The following PCDH9 variants were observed in gnomAD, a reference collection of about 807,000 sequenced individuals.
PCDH9 encodes protocadherin 9.
PCDH9 carries 24 observed loss-of-function variants against 70.6 expected under a neutral mutation model. That is an observed-to-expected ratio of 0.34 (90% confidence interval 0.25 to 0.48). The LOEUF (loss-of-function observed/expected upper bound fraction) is 0.48, where lower values mean the gene tolerates loss of function less well. PCDH9 is among the 20% of genes least tolerant of loss of function. The probability of loss-of-function intolerance (pLI) is 0.99; values close to 1 mark genes in which losing one functional copy is unlikely to be tolerated. For missense variants in PCDH9, 1,281 were observed against 1,503.6 expected, an observed-to-expected ratio of 0.85 and a Z score of 2.45; for synonymous variants, 562 against 558.5, an observed-to-expected ratio of 1.01 and a Z score of -0.09.
chr13:66,846,136 C>CAATA (rs56788566), intron 3 of PCDH9, among the ~76,000 whole-genome samples: 1 of 134,524 alleles, frequency 7.4e-6, no homozygotes, highest in Non-Finnish European at 1.5e-5. Flanking sequence ...AAAAAAAGAC[C>CAATA]AAAAAAAAAA....
At chr13:66,375,680 A>G (rs1956734821) in intron 4 of PCDH9, among the ~76,000 whole-genome samples, 1 of 152,156 alleles carries the variant, frequency 6.6e-6, no homozygotes, top group South Asian at 2.1e-4. Context: ...CATATAACAA[A>G]TTGATGATAT....
intron 4 of PCDH9, among the ~76,000 whole-genome samples, chr13:66,590,273 A>G (rs1478773233): frequency 6.6e-6 from 1 of 152,004 alleles, no homozygotes; most frequent in Non-Finnish European, 1.5e-5. Context: ...TGTATTCCAG[A>G]GTGACAATTT....
intron 4 of PCDH9, among the ~76,000 whole-genome samples, chr13:66,614,531 A>ATCTGGAATTCTG: frequency 6.6e-6 from 1 of 152,330 alleles, no homozygotes. Flanking sequence ...CTGTTTCATA[A>ATCTGGAATTCTG]TATCAAGTGT....
chr13:67,094,373 A>G (rs2086279208), intron 2 of PCDH9, among the ~76,000 whole-genome samples: 2 of 152,170 alleles, frequency 1.3e-5, no homozygotes, highest in African/African-American at 2.4e-5. Flanking sequence ...GCTTAACACT[A>G]TGTAGGTAGC....
intron 3 of PCDH9, among the ~76,000 whole-genome samples, chr13:66,667,134 C>A (rs1048096554): frequency 2.6e-5 from 4 of 152,040 alleles, no homozygotes; most frequent in African/African-American, 9.7e-5. Flanking sequence ...GAAAAAAAAT[C>A]TGATAAAATG....
chr13:66,578,900 T>C (rs2076852048), intron 4 of PCDH9, among the ~76,000 whole-genome samples: 2 of 152,148 alleles, frequency 1.3e-5, no homozygotes, highest in African/African-American at 2.4e-5. Flanking sequence ...TCAGTCTTTA[T>C]GCTTCTTAAA....
At chr13:66,547,895 A>G (rs996248009) in intron 4 of PCDH9, among the ~76,000 whole-genome samples, 8 of 134,200 alleles carry the variant, frequency 6.0e-5, no homozygotes, top group Non-Finnish European at 1.3e-4. Flanking sequence ...ATTTAATCAT[A>G]TTATTATATA....
intron 3 of PCDH9, among the ~76,000 whole-genome samples, chr13:66,684,761 T>C (rs2078376379): frequency 6.6e-6 from 1 of 152,130 alleles, no homozygotes; most frequent in Non-Finnish European, 1.5e-5. Flanking sequence ...AGTAAATTGG[T>C]ACAGGATAGT....
At chr13:66,529,321 ACT>A (rs1960343244) in intron 4 of PCDH9, among the ~76,000 whole-genome samples, 1 of 152,034 alleles carries the variant, frequency 6.6e-6, no homozygotes, top group Non-Finnish European at 1.5e-5. Flanking sequence ...GAATTGCAAA[ACT>A]CTAGCTATAC....
At chr13:66,656,281 T>C (rs1242041474) in intron 3 of PCDH9, among the ~76,000 whole-genome samples, 1 of 152,156 alleles carries the variant, frequency 6.6e-6, no homozygotes, top group East Asian at 1.9e-4. Context: ...CACTAAAGCT[T>C]AGCATTGAGG....
At chr13:67,176,541 A>T (rs906193157) in intron 2 of PCDH9, among the ~76,000 whole-genome samples, 1 of 152,134 alleles carries the variant, frequency 6.6e-6, no homozygotes, top group Non-Finnish European at 1.5e-5. Context: ...AAAACAAAGA[A>T]TCTCTATTAG....
chr13:66,423,476 C>T (rs1192520276), intron 4 of PCDH9, among the ~76,000 whole-genome samples: 1 of 152,094 alleles, frequency 6.6e-6, no homozygotes, highest in Non-Finnish European at 1.5e-5. Flanking sequence ...AAAGCTTATC[C>T]ACCACAATCA....
At chr13:66,375,928 C>T (rs930267634) in intron 4 of PCDH9, among the ~76,000 whole-genome samples, 3 of 152,054 alleles carry the variant, frequency 2.0e-5, no homozygotes, top group Non-Finnish European at 4.4e-5. Flanking sequence ...TTCAGTTCTC[C>T]TCTGTGAGTA....
At chr13:66,897,689 T>C (rs2082206207) in intron 3 of PCDH9, among the ~76,000 whole-genome samples, 1 of 152,126 alleles carries the variant, frequency 6.6e-6, no homozygotes, top group Non-Finnish European at 1.5e-5. Context: ...ACTACTGCAG[T>C]ATAAGTTCTT....
chr13:67,020,182 T>C (rs1180953600), intron 2 of PCDH9, among the ~76,000 whole-genome samples: 4 of 152,210 alleles, frequency 2.6e-5, no homozygotes, highest in Non-Finnish European at 5.9e-5. Context: ...ACAGAATCTA[T>C]CTATGGGGAA....
chr13:67,031,817 A>C (rs528331780), intron 2 of PCDH9, among the ~76,000 whole-genome samples: 108 of 152,298 alleles, frequency 7.1e-4, no homozygotes, highest in African/African-American at 2.5e-3. Context: ...GAGCATTAGA[A>C]ATGTTTATAT....
intron 4 of PCDH9, among the ~76,000 whole-genome samples, chr13:66,553,602 C>T (rs1008901605): frequency 1.3e-5 from 2 of 152,038 alleles, no homozygotes; most frequent in Non-Finnish European, 2.9e-5. Context: ...AAGCCTGGTC[C>T]TCAACAGAAA....
At chr13:67,019,100 G>C (rs2084622329) in intron 2 of PCDH9, among the ~76,000 whole-genome samples, 1 of 150,556 alleles carries the variant, frequency 6.6e-6, no homozygotes, top group South Asian at 2.1e-4. Context: ...CCCTCACAAA[G>C]TTCTCATGAG....
chr13:66,836,436 A>T (rs1039342209), intron 3 of PCDH9, among the ~76,000 whole-genome samples: 1 of 152,076 alleles, frequency 6.6e-6, no homozygotes, highest in South Asian at 2.1e-4. Context: ...TGTCTTGCTG[A>T]TACCTAGTCT....
Sources: gnomAD v4.1 joint callset for allele counts (sites outside exome capture counted in the v4.1 genomes callset) on GRCh38, gnomAD v4.1.1 for gene constraint, MANE v1.5 for transcripts, NCBI Gene and HGNC (gene_info 2026-07-23, HGNC 2026-07-21) for gene names.